PLEC: variants seen among roughly 807,000 people sequenced by gnomAD.
PLEC encodes the protein plectin, also known as hemidesmosomal protein 1.
Under a neutral mutation model 392.8 loss-of-function variants are expected in PLEC, and 216 were observed. The observed-to-expected ratio is 0.55, with a 90% CI of 0.49 to 0.62. The LOEUF (loss-of-function observed/expected upper bound fraction) is 0.62, where lower values mean the gene tolerates loss of function less well. PLEC is among the 20% of genes least tolerant of loss of function. The pLI is 0.00. For missense variants in PLEC, 6,863 were observed against 6,563.4 expected, an observed-to-expected ratio of 1.05 and a Z score of -1.58; for synonymous variants, 3,621 against 2,980.6, an observed-to-expected ratio of 1.21 and a Z score of -7.00.
chr8:143,975,638 C>A (rs1376374065), upstream of PLEC, among the ~76,000 whole-genome samples: 13 of 151,546 alleles, frequency 8.6e-5, no homozygotes, highest in Middle Eastern at 3.4e-3. The surrounding 1 kb of genome is among the most constrained non-coding windows in gnomAD (Gnocchi z 9.9). Flanking sequence ...TACACAGTGA[C>A]CCCCCAGCCA....
chr8:143,952,137 C>G (rs1554737095), upstream of PLEC, among the ~76,000 whole-genome samples: 1 of 151,896 alleles, frequency 6.6e-6, no homozygotes, highest in African/African-American at 2.4e-5. Context: ...CTTGTGGGGG[C>G]GGGTTTATGG....
Position 143,924,993 on chromosome 8 carries a change from G to A in PLEC, c.4936C>T (p.Leu1646=), listed in dbSNP as rs782620324. 5 of 1,577,436 alleles carry A rather than the reference G, an allele frequency of 3.2e-6. No homozygotes were observed. In the South Asian group the frequency reaches 3.4e-5, roughly 11 times the overall value. ...LKANEALRLR[L]QAEEVAQQKS... ...TGCTGCGCCACCTCCTCCGCCTGCA[G>A]CCGCAGCCGTAGCGCCTCGTTGGCC... Residue 1646 remains leucine (L), a synonymous_variant, in exon 31 of 32, where the codon CTG becomes TTG. Coordinates refer to ENST00000345136, the MANE Select transcript of PLEC (RefSeq NM_201384.3).
At chr8:143,935,637 C>A (rs555682467) in intron 6 of PLEC, among the ~76,000 whole-genome samples, 1 of 152,278 alleles carries the variant, frequency 6.6e-6, no homozygotes, top group South Asian at 2.1e-4. Flanking sequence ...CAGCAGCCCG[C>A]GGGCCCTCCA....
chr8:143,956,457 C>T (rs924339745), upstream of PLEC, among the ~76,000 whole-genome samples: 1 of 152,150 alleles, frequency 6.6e-6, no homozygotes, highest in Admixed American at 6.5e-5. Flanking sequence ...GGTCCCAGCT[C>T]TTTGGGATGC....
At chr8:143,967,734 G>A (rs942917871) in intron 1 of PLEC, among the ~76,000 whole-genome samples, 10 of 152,144 alleles carry the variant, frequency 6.6e-5, no homozygotes, top group Non-Finnish European at 4.4e-5. Flanking sequence ...GAGCACAGGA[G>A]TTTAAGACCA....
upstream of PLEC, among the ~76,000 whole-genome samples, chr8:143,943,197 C>G (rs552844845): frequency 2.0e-5 from 3 of 152,342 alleles, no homozygotes; most frequent in East Asian, 5.8e-4. Context: ...GCCAGGTCCC[C>G]GATAGGCAGT....
chr8:143,941,187 C>T (rs1208929586), upstream of PLEC, among the ~76,000 whole-genome samples: 3 of 152,212 alleles, frequency 2.0e-5, no homozygotes, highest in Non-Finnish European at 4.4e-5. Context: ...CTCTGGGGGC[C>T]CGGCCGTGAC....
intron 6 of PLEC, among the ~76,000 whole-genome samples, 183 bp from the exon 7 acceptor site, chr8:143,935,496 G>A (rs1554722470): frequency 6.6e-6 from 1 of 152,174 alleles, no homozygotes; most frequent in Non-Finnish European, 1.5e-5. Context: ...ACACCCAGAA[G>A]CCCAGGGGCA....
chr8:143,916,429 C>T lies in PLEC; in HGVS notation c.13392G>A (p.Leu4464=), dbSNP rs1255647569. The T allele has an allele frequency of 1.9e-6, 3 of 1,611,584 alleles. No individual in the cohort carries two copies. The highest frequency in any genetic ancestry group is 2.5e-6 in the Non-Finnish European group (3 of 1,179,440). The change falls in exon 32 of 32, where the codon CTG becomes CTA. Residue 4464 remains leucine (L), a synonymous_variant. Transcript: ENST00000345136. The stretch of plus-strand genomic sequence containing the variant: ...CCTTGGTGGACTGCGCGGCAGCCTC[C>T]AGCAGCCGCAGCCCCGTGCCCTCCT... The part of the protein sequence containing the change: ...MVEEGTGLRL[L]EAAAQSTKGY...
At chr8:143,970,837 G>C (rs1408361553) in intron 1 of PLEC, among the ~76,000 whole-genome samples, 17 of 152,218 alleles carry the variant, frequency 1.1e-4, no homozygotes, top group Admixed American at 1.1e-3. Flanking sequence ...GCCAGGCTTG[G>C]GGCGCTGGGC....
rs782205457 is a variant in PLEC at position 143,927,506 on chromosome 8, G to T, written c.3660C>A (p.Gly1220=). The T allele has an allele frequency of 1.3e-6, 2 of 1,596,970 alleles. No individual in the cohort carries two copies. Among genetic ancestry groups the T allele is most frequent in the African/African-American group, 2.7e-5 (2 of 74,870 alleles). Residue 1220 remains glycine (G), a synonymous_variant, in exon 27 of 32, where the codon GGC becomes GGA. Transcript: ENST00000345136. The stretch of plus-strand genomic sequence containing the variant: ...GCCGCCTGGCGTCCTGCAGCCAGGC[G>T]CCCAAGGGGTCTGCACTCTCGCGGT... ...RYYRESADPL[G]AWLQDARRRQ... is the part of the protein sequence containing the mutation.
Position 143,929,169 on chromosome 8 carries a change from G to C in PLEC, c.3194C>G (p.Ser1065Trp). The C allele has an allele frequency of 6.3e-7, 1 of 1,595,208 alleles. No individual in the cohort carries two copies. The change falls in exon 25 of 32, where the codon TCG (serine) becomes TGG (tryptophan). Residue 1065 changes from serine (S) to tryptophan (W), a missense_variant. Transcript: ENST00000345136. Reference protein sequence around the residue: ...EPSPAAPTLRSELELTLGKLE... With the variant: ...EPSPAAPTLRWELELTLGKLE... ...CTTGCCCAGCGTCAGCTCCAGCTCC[G>C]AGCGCAGCGTGGGGGCCGCAGGCGA... is the stretch of plus-strand genomic sequence containing the variant.
In PLEC at chr8:143,922,410, G is replaced by T. The variant is rs374252558; in HGVS notation, c.7426-15C>A. 2.6e-5 allele frequency: 41 copies of T among 1,600,614 alleles called. No homozygotes were observed. The highest frequency in any genetic ancestry group is 3.2e-5 in the Non-Finnish European group (38 of 1,179,922). ...ACCGTCTGCATCTGCAGAAGAAGAG[G>T]GTGTGATCAGGGACCGCCAGCCCAG... On this transcript the variant is annotated splice_polypyrimidine_tract_variant and intron_variant, in intron 31 of 31. Coordinates refer to ENST00000345136, the MANE Select transcript of PLEC (RefSeq NM_201384.3).
chr8:143,935,638 G>A (rs1021555492), intron 6 of PLEC, among the ~76,000 whole-genome samples: 3 of 152,182 alleles, frequency 2.0e-5, no homozygotes, highest in African/African-American at 2.4e-5. Context: ...AGCAGCCCGC[G>A]GGCCCTCCAG....
chr8:143,956,275 G>A (rs10098685), upstream of PLEC, among the ~76,000 whole-genome samples: 5,718 of 152,154 alleles, frequency 0.038, 112 homozygotes, highest in Admixed American at 0.049. Context: ...GGATTAAAAC[G>A]CATAAAATGG....
Position 143,919,788 on chromosome 8 carries a change from C to A in PLEC, c.10033G>T (p.Gly3345Cys). ...KTTVKDLSEL[G>C]SVRTLLQGSG... Reference sequence around the variant, plus strand: ...CCCTGCAGCAGCGTCCGCACGGAGCCCAGCTCCGAAAGGTCCTTGACCGTC... The same window carrying A: ...CCCTGCAGCAGCGTCCGCACGGAGCACAGCTCCGAAAGGTCCTTGACCGTC... The change falls in exon 32 of 32, where the codon GGC becomes TGC. Residue 3345 changes from glycine to cysteine, a missense_variant. By Grantham distance (159) the Gly-to-Cys change is radical (BLOSUM62 -3). Transcript: ENST00000345136. 6.2e-7 allele frequency: 1 copy of A among 1,612,650 alleles called. No homozygotes were observed. The highest frequency in any genetic ancestry group is 8.5e-7 in the Non-Finnish European group (1 of 1,179,800).
At chr8:143,935,147 C>T (rs782061142) in intron 7 of PLEC, 30 bp from the exon 8 acceptor site, 1 of 1,612,090 alleles carries the variant, frequency 6.2e-7, no homozygotes, top group Admixed American at 1.7e-5. Flanking sequence ...AGCGGTGGCT[C>T]TGGGGCAGGC....
intron 1 of PLEC, among the ~76,000 whole-genome samples, chr8:143,949,324 G>A (rs573155567): frequency 9.8e-5 from 15 of 152,356 alleles, no homozygotes; most frequent in African/African-American, 1.9e-4. Context: ...CTGGGGGACC[G>A]GGCCATCCGG....
rs1016337937 is a variant in PLEC, at chr8:143,938,715, A to T, written c.113-23T>A. ...CATCTGGGGGAGACAAGACCAGCTT[A>T]CCTGGGGCCTGGGAGAAGCCCCGGG... On this transcript the variant is annotated intron_variant, in intron 1 of 31. Transcript: ENST00000345136. The T allele has an allele frequency of 3.1e-6, 5 of 1,612,264 alleles. No individual in the cohort carries two copies. In the African/African-American group the frequency reaches 6.7e-5, roughly 22 times the overall value.
Sources: allele counts gnomAD v4.1 joint callset (sites outside exome capture counted in the v4.1 genomes callset), GRCh38; gene constraint gnomAD v4.1.1; non-coding constraint Gnocchi (gnomAD v3.1); transcripts MANE v1.5; gene names NCBI Gene and HGNC (gene_info 2026-07-23, HGNC 2026-07-21).